BORCS5: variants seen among roughly 807,000 people sequenced by gnomAD.
The protein encoded by BORCS5 is BLOC-1 related complex subunit 5.
BORCS5 carries 17 observed loss-of-function variants against 22.1 expected under a neutral mutation model. The observed-to-expected ratio is 0.77, with a 90% CI of 0.53 to 1.15. The LOEUF is 1.15. BORCS5 is among the 50% of genes most tolerant of loss of function. BORCS5 has a pLI of 0.00. For missense variants in BORCS5, 247 were observed against 253.2 expected (o/e 0.98, Z 0.17); for synonymous variants, 117 against 99.8 (o/e 1.17, Z -1.03).
At chr12:12,369,100 G>A (rs1185231811) in intron 2 of BORCS5, among the ~76,000 whole-genome samples, 1 of 151,920 alleles carries the variant, frequency 6.6e-6, no homozygotes, top group Admixed American at 6.6e-5. Context: ...TTTCTACTTT[G>A]TGTGTTTTGA....
rs80252861 is a variant in BORCS5, at chr12:12,393,237, A to G, written c.202+31888A>G. 8.2e-3 allele frequency among the ~76,000 whole-genome samples: 1,244 copies of G among 152,066 alleles called. 6 individuals carry two copies. The highest frequency in any genetic ancestry group is 0.013 in the Non-Finnish European group (901 of 68,006). On this transcript the variant is annotated intron_variant, in intron 2 of 3. Transcript: ENST00000314565. ...GTGACAGAGTGAGACCTTATCTCCAAAAAATAATAATAAGACAAGGTTTCT... is the reference window on the plus strand; with the variant it reads ...GTGACAGAGTGAGACCTTATCTCCAGAAAATAATAATAAGACAAGGTTTCT...
Position 12,357,200 on chromosome 12 carries a change from A to G in BORCS5, c.-252A>G. 3 of 1,511,664 alleles carry G rather than the reference A, an allele frequency of 2.0e-6. No individual in the cohort carries two copies. The highest frequency in any genetic ancestry group is 2.6e-6 in the Non-Finnish European group (3 of 1,135,460). The allele number at this position is 1,511,664 out of a possible 1,614,324, so 93.6% of individuals were successfully genotyped here. On this transcript the variant is annotated 5_prime_UTR_variant, in exon 1 of 4. Transcript: ENST00000314565. ...GCCGGTTCTCTTAGGGCTCCCGGAA[A>G]GAAGGAGGGCTAGCCGCGTGCGTTC...
chr12:12,373,794 A>AT (rs551896833), intron 2 of BORCS5, among the ~76,000 whole-genome samples: 5 of 152,246 alleles, frequency 3.3e-5, no homozygotes, highest in African/African-American at 1.2e-4. Flanking sequence ...ACAGGTAAGT[A>AT]TTCACAATAA....
intron 2 of BORCS5, among the ~76,000 whole-genome samples, chr12:12,380,716 A>G (rs925338777): frequency 6.6e-6 from 1 of 151,454 alleles, no homozygotes; most frequent in Non-Finnish European, 1.5e-5. Flanking sequence ...TTACCATTTT[A>G]CATTCCTTCC....
Position 12,467,136 on chromosome 12 carries a change from G to C in BORCS5, c.*1360G>C, listed in dbSNP as rs1386653175. The C allele has an allele frequency of 2.6e-5, 4 of 152,014 alleles. No homozygotes were observed. Among genetic ancestry groups the C allele is most frequent in the African/African-American group, 7.2e-5 (3 of 41,400 alleles). 9.4% of individuals were successfully genotyped at this position (152,014 alleles called of 1,614,324 possible). On this transcript the variant is annotated 3_prime_UTR_variant, in exon 4 of 4. Transcript: ENST00000314565. ...TAATTTTACATTTTCAAATTCAAAAGAATAATACAATGAATATTCATATTT... is the reference window on the plus strand; with the variant it reads ...TAATTTTACATTTTCAAATTCAAAACAATAATACAATGAATATTCATATTT...
At chr12:12,451,017 A>G (rs1942898332) in intron 3 of BORCS5, among the ~76,000 whole-genome samples, 1 of 152,186 alleles carries the variant, frequency 6.6e-6, no homozygotes, top group Non-Finnish European at 1.5e-5. Context: ...TATGATGTGC[A>G]TTGATTACCA....
intron 2 of BORCS5, among the ~76,000 whole-genome samples, chr12:12,401,029 A>G (rs1280870986): frequency 6.6e-6 from 1 of 152,220 alleles, no homozygotes; most frequent in African/African-American, 2.4e-5. Context: ...CCATCAAATG[A>G]ATATTTCACA....
At chr12:12,415,483 G>T (rs1941914086) in intron 2 of BORCS5, among the ~76,000 whole-genome samples, 1 of 145,894 alleles carries the variant, frequency 6.9e-6, no homozygotes, top group Non-Finnish European at 1.5e-5. Flanking sequence ...AGGTTGCAGT[G>T]AGCCGAGATG....
intron 3 of BORCS5, among the ~76,000 whole-genome samples, chr12:12,464,281 C>A (rs1943161029): frequency 6.6e-6 from 1 of 152,118 alleles, no homozygotes; most frequent in South Asian, 2.1e-4. Flanking sequence ...AAGCAAGAGG[C>A]CCGCCAGAGG....
At chr12:12,445,067 C>T (rs1351888997) in intron 3 of BORCS5, among the ~76,000 whole-genome samples, 1 of 152,212 alleles carries the variant, frequency 6.6e-6, no homozygotes, top group Non-Finnish European at 1.5e-5. Flanking sequence ...CAGGGTCTCC[C>T]TGGTCTCCTT....
intron 3 of BORCS5, among the ~76,000 whole-genome samples, chr12:12,437,904 C>T (rs185843884): frequency 1.5e-3 from 224 of 152,166 alleles, no homozygotes; most frequent in Non-Finnish European, 5.7e-4. Flanking sequence ...CTTAGGACTA[C>T]AGGTGTATGC....
chr12:12,419,571 G>T (rs1942061112), intron 2 of BORCS5, among the ~76,000 whole-genome samples: 1 of 152,158 alleles, frequency 6.6e-6, no homozygotes, highest in East Asian at 1.9e-4. Flanking sequence ...GTAATGGGAT[G>T]GCTGGGTCAA....
intron 2 of BORCS5, among the ~76,000 whole-genome samples, chr12:12,362,633 C>A (rs917957196): frequency 1.2e-4 from 12 of 103,828 alleles, no homozygotes; most frequent in African/African-American, 3.7e-4. Context: ...TCATGTTACT[C>A]ATCTTTTTTT....
chr12:12,422,978 G>A lies in BORCS5; in HGVS notation c.203-12650G>A, dbSNP rs1406745576. 3.0e-5 allele frequency among the ~76,000 whole-genome samples: 4 copies of A among 133,354 alleles called. No individual in the cohort carries two copies. The East Asian group carries it at 8.3e-4, about 28-fold the overall frequency. The allele number at this position is 133,354 out of a possible 152,430, so 87.5% of individuals were successfully genotyped here. A position where few individuals can be genotyped will look rare whatever the true frequency, so the allele number is the denominator to read the frequency against. The stretch of plus-strand genomic sequence containing the variant: ...GTTACAAAAACCCCTGTAAATACAT[G>A]GGCTTTTTTTTTTTTATTTTTTATT... On this transcript the variant is annotated intron_variant, in intron 2 of 3. Coordinates refer to ENST00000314565, the MANE Select transcript of BORCS5 (RefSeq NM_058169.6).
In BORCS5 at chr12:12,466,729, A is replaced by G. The variant is rs1943210043; in HGVS notation, c.*953A>G. 6.6e-6 allele frequency: 1 copy of G among 152,370 alleles called. No homozygotes were observed. Among genetic ancestry groups the G allele is most frequent in the Admixed American group, 6.5e-5 (1 of 15,274 alleles). 9.4% of individuals were successfully genotyped at this position (152,370 alleles called of 1,614,324 possible). On this transcript the variant is annotated 3_prime_UTR_variant, in exon 4 of 4. Coordinates refer to ENST00000314565, the MANE Select transcript of BORCS5 (RefSeq NM_058169.6). ...GCAAAGAGTGGAATGTGAGGAGCAG[A>G]CCTAGGCAGACACCTTGAGACTAAA... is the stretch of plus-strand genomic sequence containing the variant.
chr12:12,394,993 T>C (rs1053926047), intron 2 of BORCS5, among the ~76,000 whole-genome samples: 2 of 152,100 alleles, frequency 1.3e-5, no homozygotes, highest in African/African-American at 4.8e-5. Flanking sequence ...GGATGGTTTT[T>C]ACCACAGGGG....
chr12:12,427,600 A>G (rs1942321454), intron 2 of BORCS5, among the ~76,000 whole-genome samples: 10 of 152,098 alleles, frequency 6.6e-5, no homozygotes, highest in Admixed American at 5.9e-4. Flanking sequence ...AGACTCGAAA[A>G]TTTCTTATTG....
At chr12:12,396,752 A>G (rs776363231) in intron 2 of BORCS5, among the ~76,000 whole-genome samples, 3 of 152,184 alleles carry the variant, frequency 2.0e-5, no homozygotes, top group Non-Finnish European at 2.9e-5. Context: ...TACGGTACTC[A>G]TGTTGGAAAT....
At chr12:12,365,570 A>G (rs543675027) in intron 2 of BORCS5, among the ~76,000 whole-genome samples, 5 of 152,048 alleles carry the variant, frequency 3.3e-5, no homozygotes, top group Admixed American at 1.3e-4. Flanking sequence ...GAATCTAGAA[A>G]TGACAACATG....
Sources: allele counts gnomAD v4.1 joint callset (sites outside exome capture counted in the v4.1 genomes callset), GRCh38; gene constraint gnomAD v4.1.1; transcripts MANE v1.5; gene names NCBI Gene and HGNC (gene_info 2026-07-23, HGNC 2026-07-21).